Variants in C2orf76 observed in about 807,000 individuals in gnomAD.
C2orf76 encodes the protein UPF0538 protein C2orf76.
In C2orf76, 23 loss-of-function variants were observed where a neutral mutation model predicts 16.9. The ratio of observed to expected loss-of-function variants is 1.36; its 90% CI spans 0.98 to 1.93. The LOEUF (loss-of-function observed/expected upper bound fraction) is 1.93. Among genes scored for constraint, C2orf76 ranks in the 30% most tolerant of loss-of-function variants. The pLI is 0.00. For missense variants in C2orf76, 152 were observed against 152.6 expected (o/e 1.00, Z 0.02); for synonymous variants, 48 against 52.3 (o/e 0.92, Z 0.35).
At chr2:119,315,004 G>A (rs1679120002) in intron 4 of C2orf76, among the ~76,000 whole-genome samples, 2 of 152,170 alleles carry the variant, frequency 1.3e-5, no homozygotes, top group Admixed American at 1.3e-4. Flanking sequence ...TGTGTGTGGT[G>A]AGGGGTGAGG....
intron 5 of C2orf76, among the ~76,000 whole-genome samples, chr2:119,303,605 C>T (rs1165801000): frequency 6.6e-6 from 1 of 152,220 alleles, no homozygotes; most frequent in African/African-American, 2.4e-5. Context: ...TAGTTTACAA[C>T]TCTCATCTCA....
the C2orf76 span, among the ~76,000 whole-genome samples, chr2:119,290,784 C>T: frequency 6.6e-6 from 1 of 152,024 alleles, no homozygotes; most frequent in East Asian, 1.9e-4. Flanking sequence ...GAGCCGAGAT[C>T]GTGCCACTGC....
intron 5 of C2orf76, chr2:119,311,331 C>T (rs544532306): frequency 7.8e-5 from 77 of 985,382 alleles, no homozygotes; most frequent in African/African-American, 2.4e-4. Flanking sequence ...AGTAAGTAGA[C>T]GTGGTACTTA....
At chr2:119,292,196 T>C in the C2orf76 span, among the ~76,000 whole-genome samples, 3 of 152,174 alleles carry the variant, frequency 2.0e-5, no homozygotes, top group African/African-American at 7.2e-5. Context: ...AACTTTGCTT[T>C]AAGGCAAGTG....
chr2:119,295,133 A>C, the C2orf76 span, among the ~76,000 whole-genome samples: 1 of 152,114 alleles, frequency 6.6e-6, no homozygotes, highest in Non-Finnish European at 1.5e-5. Context: ...GGTGGCTGAG[A>C]CAGAGACGAC....
chr2:119,348,177 A>C (rs1680267547), intron 1 of C2orf76, among the ~76,000 whole-genome samples: 1 of 152,204 alleles, frequency 6.6e-6, no homozygotes, highest in Non-Finnish European at 1.5e-5. Context: ...TTGCAAGAAG[A>C]CTATAAGTGC....
chr2:119,317,575 G>A lies in C2orf76; in HGVS notation c.185-72C>T, dbSNP rs1328378130. On this transcript the variant is annotated intron_variant, in intron 3 of 5. Transcript: ENST00000334816. ...TTCTTTTCAAATTATTAAAATGGGTGGAGGGTGGCTACGAAATTGAGAAAT... is the reference window on the plus strand; with the variant it reads ...TTCTTTTCAAATTATTAAAATGGGTAGAGGGTGGCTACGAAATTGAGAAAT... 1.0e-5 allele frequency: 13 copies of A among 1,251,462 alleles called. No homozygotes were observed. The Admixed American group carries it at 1.7e-4, about 17-fold the overall frequency. 77.5% of individuals were successfully genotyped at this position (1,251,462 alleles called of 1,614,324 possible).
intron 4 of C2orf76, among the ~76,000 whole-genome samples, chr2:119,315,325 G>T (rs920025964): frequency 3.3e-5 from 5 of 152,104 alleles, no homozygotes; most frequent in African/African-American, 1.2e-4. Context: ...CAGAAAATTA[G>T]GGAAATGGGG....
intron 5 of C2orf76, among the ~76,000 whole-genome samples, chr2:119,310,462 C>T (rs1355302187): frequency 6.6e-6 from 1 of 152,130 alleles, no homozygotes; most frequent in Admixed American, 6.5e-5. Flanking sequence ...CTCAGAAGAT[C>T]TATGTCAGGA....
In C2orf76 at chr2:119,311,831, C is replaced by T. The variant is rs576512399; in HGVS notation, c.223-128G>A. ...TCTAAGTAGATTCCACTGCCCTGGC[C>T]GTAATGAGGGCAGTGAACAGAGGCA... On this transcript the variant is annotated intron_variant, in intron 4 of 5. Coordinates refer to ENST00000334816, the MANE Select transcript of C2orf76 (RefSeq NM_001322331.2). 27 of 845,834 alleles carry T rather than the reference C, an allele frequency of 3.2e-5. No individual in the cohort carries two copies. The Admixed American group carries it at 4.4e-4, about 14-fold the overall frequency. The allele number at this position is 845,834 out of a possible 1,614,324, so 52.4% of individuals were successfully genotyped here.
intron 5 of C2orf76, among the ~76,000 whole-genome samples, chr2:119,308,943 C>T (rs1273669088): frequency 7.3e-6 from 1 of 136,312 alleles, no homozygotes; most frequent in East Asian, 1.9e-4. Context: ...ACCTTGAACT[C>T]CCTTGGACAA....
chr2:119,357,250 C>T (rs1411208785), intron 1 of C2orf76, among the ~76,000 whole-genome samples: 1 of 146,130 alleles, frequency 6.8e-6, no homozygotes, highest in East Asian at 2.0e-4. Flanking sequence ...AAAGCCATTA[C>T]TAAAAAAAAG....
chr2:119,348,621 G>C (rs998432502), intron 1 of C2orf76, among the ~76,000 whole-genome samples: 29 of 152,236 alleles, frequency 1.9e-4, no homozygotes, highest in Non-Finnish European at 2.8e-4. Flanking sequence ...GGGAGGCAGA[G>C]GTTGCAGTAA....
chr2:119,354,055 G>A (rs1680489616), intron 1 of C2orf76, among the ~76,000 whole-genome samples: 1 of 152,028 alleles, frequency 6.6e-6, no homozygotes, highest in Non-Finnish European at 1.5e-5. Context: ...ATGAGGCAAT[G>A]GTCACACTAA....
chr2:119,304,659 T>G (rs1678720988), intron 5 of C2orf76, among the ~76,000 whole-genome samples: 1 of 152,212 alleles, frequency 6.6e-6, no homozygotes, highest in Non-Finnish European at 1.5e-5. Flanking sequence ...TTTTTCACCC[T>G]TAACAAATTG....
chr2:119,342,473 A>G (rs1232079667), intron 1 of C2orf76, among the ~76,000 whole-genome samples: 2 of 152,000 alleles, frequency 1.3e-5, no homozygotes, highest in African/African-American at 4.8e-5. Context: ...TTAGCCAGGC[A>G]TGGTGGCGGG....
At chr2:119,327,266 G>A (rs1305287518) in intron 2 of C2orf76, among the ~76,000 whole-genome samples, 1 of 145,696 alleles carries the variant, frequency 6.9e-6, no homozygotes, top group African/African-American at 2.5e-5. Context: ...AATGGATTTT[G>A]GATTCTGTCT....
At position 119,366,802 on chromosome 2, in the gene C2orf76, T is replaced by TC; in HGVS notation, c.-26dup. ...CCGTTGTCCCCACCTGTTCCCGGCG[T>TC]CCCCTTCGGCTACTCCCGGCGTTTG... On this transcript the variant is annotated 5_prime_UTR_variant, in exon 1 of 6. Coordinates refer to ENST00000334816, the MANE Select transcript of C2orf76 (RefSeq NM_001322331.2). The TC allele has an allele frequency of 1.7e-6, 1 of 577,330 alleles. No homozygotes were observed. The highest frequency in any genetic ancestry group is 3.1e-6 in the Non-Finnish European group (1 of 326,464). 35.8% of individuals were successfully genotyped at this position (577,330 alleles called of 1,614,324 possible). A position where few individuals can be genotyped will look rare whatever the true frequency, so the allele number is the denominator to read the frequency against.
intron 1 of C2orf76, among the ~76,000 whole-genome samples, chr2:119,354,493 AGC>A (rs1680504546): frequency 6.6e-6 from 1 of 152,250 alleles, no homozygotes; most frequent in African/African-American, 2.4e-5. Context: ...ACTGCACTCC[AGC>A]CTGGGAGACA....
Sources: allele counts gnomAD v4.1 joint callset (sites outside exome capture counted in the v4.1 genomes callset), GRCh38; gene constraint gnomAD v4.1.1; transcripts MANE v1.5; gene names NCBI Gene and HGNC (gene_info 2026-07-23, HGNC 2026-07-21).